Variants in DCAF1 observed in about 807,000 individuals in gnomAD.
DCAF1 encodes DDB1 and CUL4 associated factor 1.
A neutral mutation model predicts 128.0 loss-of-function variants in DCAF1; 15 were observed. The observed-to-expected ratio is 0.12, with a 90% CI of 0.08 to 0.18. The LOEUF (loss-of-function observed/expected upper bound fraction) is 0.18, where lower values mean the gene tolerates loss of function less well. Among genes scored for constraint, DCAF1 ranks in the 10% least tolerant of loss-of-function variants. The pLI is 1.00. For synonymous variants in DCAF1, 610 were observed against 603.0 expected (o/e 1.01, Z -0.17); for missense variants, 988 against 1,649.5 (o/e 0.60, Z 6.95).
chr3:51,412,000 C>G (rs1322589982), intron 23 of DCAF1, among the ~76,000 whole-genome samples: 3 of 150,586 alleles, frequency 2.0e-5, no homozygotes, highest in Non-Finnish European at 4.4e-5. Context: ...GTAATCCCAG[C>G]TACTTGGGAG....
chr3:51,431,347 G>A (rs1049111287), intron 10 of DCAF1, among the ~76,000 whole-genome samples: 37 of 148,052 alleles, frequency 2.5e-4, no homozygotes, highest in Non-Finnish European at 2.2e-4. Flanking sequence ...GTAAAACCCC[G>A]TCTCTACTGA....
chr3:51,413,236 C>T (rs374932957), intron 21 of DCAF1, 46 bp downstream of exon 21: 1 of 1,584,316 alleles, frequency 6.3e-7, no homozygotes, highest in African/African-American at 1.3e-5. Flanking sequence ...AAATAAGGAA[C>T]ACCAAAACAC....
intron 13 of DCAF1, among the ~76,000 whole-genome samples, chr3:51,426,372 G>A (rs1490475617): frequency 6.6e-6 from 1 of 151,728 alleles, no homozygotes; most frequent in Non-Finnish European, 1.5e-5. Context: ...ACCACCCCCG[G>A]CTAATTTTTC....
chr3:51,471,743 T>G (rs1011740855), intron 3 of DCAF1, among the ~76,000 whole-genome samples: 3 of 151,896 alleles, frequency 2.0e-5, no homozygotes, highest in Non-Finnish European at 4.4e-5. Flanking sequence ...GGCACATACC[T>G]GTAATCCCAG....
Position 51,398,622 on chromosome 3 carries a change from G to GCT in DCAF1, c.*145_*146dup, listed in dbSNP as rs782438946. 2.3e-4 allele frequency: 243 copies of GCT among 1,070,872 alleles called. 1 individual carries two copies. The highest frequency in any genetic ancestry group is 3.0e-4 in the Non-Finnish European group (229 of 756,372). 66.3% of individuals were successfully genotyped at this position (1,070,872 alleles called of 1,614,324 possible). On this transcript the variant is annotated 3_prime_UTR_variant, in exon 25 of 25. Transcript: ENST00000684031. The stretch of plus-strand genomic sequence containing the variant: ...GGAAGGACCCTCGGGTGCCAATGAG[G>GCT]CTCTCTAAGCCATAATCTTCTGAAT...
chr3:51,444,204 C>G (rs1701626711), intron 6 of DCAF1, among the ~76,000 whole-genome samples: 1 of 152,096 alleles, frequency 6.6e-6, no homozygotes, highest in South Asian at 2.1e-4. Context: ...TAGTCCTAAT[C>G]TAGATGTTAA....
chr3:51,405,187 T>G (rs1193722256), intron 23 of DCAF1, among the ~76,000 whole-genome samples: 14 of 152,192 alleles, frequency 9.2e-5, no homozygotes, highest in Non-Finnish European at 2.1e-4. Context: ...ATAGCACAAC[T>G]AAAGGTCCAC....
At chr3:51,396,315 C>A, downstream of DCAF1, 1 of 179,282 alleles carries the variant, frequency 5.6e-6, no homozygotes, top group Non-Finnish European at 1.3e-5. Flanking sequence ...AAAAGAACTG[C>A]CAAGTTTTGG....
chr3:51,415,095 T>C (rs561143968), intron 18 of DCAF1, among the ~76,000 whole-genome samples: 1 of 152,216 alleles, frequency 6.6e-6, no homozygotes, highest in East Asian at 1.9e-4. Flanking sequence ...TATATTTGAT[T>C]TCCTTCCCAA....
In DCAF1 at chr3:51,413,174, C is replaced by A. The variant is rs1577070226; in HGVS notation, c.4036+108G>T. ...TGATTGCTCAAAAGTATTTCCATAACTTCTCTGTTTTTCAATAAAAAATTA... is the reference window on the plus strand; with the variant it reads ...TGATTGCTCAAAAGTATTTCCATAAATTCTCTGTTTTTCAATAAAAAATTA... On this transcript the variant is annotated intron_variant, in intron 21 of 24. Transcript: ENST00000684031. 6.4e-6 allele frequency: 10 copies of A among 1,551,216 alleles called. No individual in the cohort carries two copies. The East Asian group carries it at 2.3e-4, about 36-fold the overall frequency.
At chr3:51,490,776 A>G (rs1177430511) in intron 2 of DCAF1, among the ~76,000 whole-genome samples, 1 of 151,928 alleles carries the variant, frequency 6.6e-6, no homozygotes, top group Non-Finnish European at 1.5e-5. Context: ...AATACAAAAC[A>G]TTAGCTGACC....
At chr3:51,493,898 G>A (rs1707944692) in intron 2 of DCAF1, among the ~76,000 whole-genome samples, 1 of 151,486 alleles carries the variant, frequency 6.6e-6, no homozygotes, top group Non-Finnish European at 1.5e-5. Context: ...TCAGGAGGCT[G>A]AGGCAGAAGC....
At chr3:51,461,442 G>A (rs1164932942) in intron 6 of DCAF1, among the ~76,000 whole-genome samples, 3 of 152,146 alleles carry the variant, frequency 2.0e-5, no homozygotes, top group Non-Finnish European at 2.9e-5. Flanking sequence ...GGAGAAATAG[G>A]AACACTTTTA....
intron 4 of DCAF1, among the ~76,000 whole-genome samples, chr3:51,467,963 A>G (rs1704313793): frequency 6.6e-6 from 1 of 152,156 alleles, no homozygotes. Context: ...GACAACAGCA[A>G]CAGAGATGCA....
At chr3:51,421,031 TA>T in intron 14 of DCAF1, 34 bp from the exon 15 acceptor site, 1 of 1,566,994 alleles carries the variant, frequency 6.4e-7, no homozygotes, top group Non-Finnish European at 8.6e-7. Context: ...TTATTCACCA[TA>T]AAACTAATGG....
At chr3:51,483,139 G>GA (rs374351985) in intron 3 of DCAF1, among the ~76,000 whole-genome samples, 96,154 of 124,928 alleles carry the variant, frequency 0.77, 36,825 homozygotes, top group South Asian at 0.84. Flanking sequence ...AACTCCGTAT[G>GA]AAAAAAAAAA....
chr3:51,413,999 C>G lies in DCAF1; in HGVS notation c.3882G>C (p.Leu1294=). Residue 1294 remains leucine, a synonymous_variant, in exon 20 of 25, where the codon CTG becomes CTC. Transcript: ENST00000684031. ...TFHLLHTVPA[L]DQCRVVFNHT... ...GATTGAACACCACGCGACACTGATC[C>G]AGAGCGGGAACAGTATGCAAAAGAT... 2 of 1,604,238 alleles carry G rather than the reference C, an allele frequency of 1.2e-6. No homozygotes were observed. The highest frequency in any genetic ancestry group is 3.4e-5 in the Admixed American group (2 of 58,496).
At chr3:51,478,003 T>TAA in intron 3 of DCAF1, among the ~76,000 whole-genome samples, 1 of 152,226 alleles carries the variant, frequency 6.6e-6, no homozygotes, top group South Asian at 2.1e-4. Context: ...CCTTATCTGT[T>TAA]AGTTTTTGTT....
chr3:51,469,190 G>A (rs1053231837), intron 4 of DCAF1, among the ~76,000 whole-genome samples: 10 of 148,082 alleles, frequency 6.8e-5, no homozygotes, highest in African/African-American at 1.5e-4. Flanking sequence ...TTTATAACTC[G>A]CACTCATTCA....
Sources: allele counts gnomAD v4.1 joint callset (sites outside exome capture counted in the v4.1 genomes callset), GRCh38; gene constraint gnomAD v4.1.1; transcripts MANE v1.5; gene names NCBI Gene and HGNC (gene_info 2026-07-23, HGNC 2026-07-21).